LRRC8A: variants seen among roughly 807,000 people sequenced by gnomAD.
The protein encoded by LRRC8A is volume-regulated anion channel subunit LRRC8A.
A neutral mutation model predicts 52.5 loss-of-function variants in LRRC8A; 24 were observed. That is an observed-to-expected ratio of 0.46 (90% CI 0.33 to 0.64). The LOEUF (loss-of-function observed/expected upper bound fraction) is 0.64. LRRC8A is among the 30% of genes least tolerant of loss of function. The probability of loss-of-function intolerance (pLI) is 0.02; values close to 1 mark genes in which losing one functional copy is unlikely to be tolerated. For synonymous variants in LRRC8A, 492 were observed against 494.2 expected, an observed-to-expected ratio of 1.00 and a Z score of 0.06; for missense variants, 677 against 1,094.7, an observed-to-expected ratio of 0.62 and a Z score of 5.38.
chr9:128,906,236 C>T (rs1840242716), intron 2 of LRRC8A, among the ~76,000 whole-genome samples: 1 of 152,116 alleles, frequency 6.6e-6, no homozygotes, highest in Non-Finnish European at 1.5e-5. Context: ...TCAAGCGATC[C>T]TCCCACTTCA....
chr9:128,912,049 C>T (rs763832853), intron 3 of LRRC8A, among the ~76,000 whole-genome samples: 1 of 152,220 alleles, frequency 6.6e-6, no homozygotes, highest in Admixed American at 6.5e-5. Context: ...AGTATTCATT[C>T]GTTCACTCGT....
At position 128,902,798 on chromosome 9, in the gene LRRC8A, G is replaced by C. The variant is rs1252335344; in HGVS notation, c.-8-4359G>C. Among the ~76,000 whole-genome samples, 1 of 152,174 alleles carries C rather than the reference G, an allele frequency of 6.6e-6. No homozygotes were observed. The highest frequency in any genetic ancestry group is 1.5e-5 in the Non-Finnish European group (1 of 68,028). The stretch of plus-strand genomic sequence containing the variant: ...CCCACCTGGTCATTAGAGGGCCCGG[G>C]CCTTCCTGTGGGGCGGGTGCTTGCC... On this transcript the variant is annotated intron_variant, in intron 2 of 3. Coordinates refer to ENST00000372600, the MANE Select transcript of LRRC8A (RefSeq NM_019594.4). This position sits in a 1 kb window ranked among gnomAD's most constrained non-coding sequence, Gnocchi z 4.1.
In LRRC8A at chr9:128,902,216, CGCTGGACCTAGCCAAGG is replaced by C. The variant is rs1217558103; in HGVS notation, c.-8-4936_-8-4920del. Among the ~76,000 whole-genome samples the C allele has an allele frequency of 6.6e-6, 1 of 152,174 alleles. No individual in the cohort carries two copies. The highest frequency in any genetic ancestry group is 1.5e-5 in the Non-Finnish European group (1 of 68,026). ...CACCTTGATCATTTTTTTTTACCCC[CGCTGGACCTAGCCAAGG>C]GCTGAACAGAGTCCGGATGTTCCCA... On this transcript the variant is annotated intron_variant, in intron 2 of 3. Coordinates refer to ENST00000372600, the MANE Select transcript of LRRC8A (RefSeq NM_019594.4). This position sits in a 1 kb window ranked among gnomAD's most constrained non-coding sequence, Gnocchi z 4.1.
At chr9:128,884,711 G>A (rs549102508) in intron 1 of LRRC8A, among the ~76,000 whole-genome samples, 2 of 152,246 alleles carry the variant, frequency 1.3e-5, no homozygotes, top group South Asian at 2.1e-4. Context: ...GCTCTGCCAT[G>A]GGCAGGTGAT....
At position 128,882,198 on chromosome 9, in the gene LRRC8A, G is replaced by C. The variant is rs1230446474; in HGVS notation, c.-168G>C. 1 of 153,104 alleles carries C rather than the reference G, an allele frequency of 6.5e-6. No individual in the cohort carries two copies. Among genetic ancestry groups the C allele is most frequent in the Non-Finnish European group, 1.5e-5 (1 of 68,556 alleles). 9.5% of individuals were successfully genotyped at this position (153,104 alleles called of 1,614,324 possible). A position where few individuals can be genotyped will look rare whatever the true frequency, so the allele number is the denominator to read the frequency against. On this transcript the variant is annotated 5_prime_UTR_variant, in exon 1 of 4. Transcript: ENST00000372600. Reference sequence around the variant, plus strand: ...CAGCGCTGCGGCCGGCGGCGGGACGGAGCGGCCGGGGCCTGGGGCTGCCTG... The same window carrying C: ...CAGCGCTGCGGCCGGCGGCGGGACGCAGCGGCCGGGGCCTGGGGCTGCCTG...
At chr9:128,889,337 G>A (rs1360849579) in intron 2 of LRRC8A, among the ~76,000 whole-genome samples, 5 of 152,128 alleles carry the variant, frequency 3.3e-5, no homozygotes. Context: ...CAGTTGTGAG[G>A]CTGGTGGGCT....
chr9:128,885,537 T>C (rs1260611168), intron 1 of LRRC8A: 2 of 152,246 alleles, frequency 1.3e-5, no homozygotes, highest in Non-Finnish European at 2.9e-5. Context: ...GCAGCAGAGC[T>C]CTGAGCTCTC....
chr9:128,885,470 C>T (rs548781670), intron 1 of LRRC8A: 1 of 152,436 alleles, frequency 6.6e-6, no homozygotes, highest in Admixed American at 6.5e-5. Flanking sequence ...AACTCCTCCT[C>T]CAGAAAGCCT....
intron 2 of LRRC8A, among the ~76,000 whole-genome samples, chr9:128,898,900 G>A (rs186900900): frequency 3.3e-5 from 5 of 152,222 alleles, no homozygotes; most frequent in Admixed American, 1.3e-4. Context: ...GTCACCTTCC[G>A]CCATGTTACC....
At chr9:128,894,725 A>G (rs1192340283) in intron 2 of LRRC8A, among the ~76,000 whole-genome samples, 3 of 150,676 alleles carry the variant, frequency 2.0e-5, no homozygotes, top group African/African-American at 4.9e-5. Flanking sequence ...CCCAGGAGGT[A>G]GAGTTTGCAG....
intron 1 of LRRC8A, among the ~76,000 whole-genome samples, chr9:128,885,678 C>T (rs1041819810): frequency 6.6e-6 from 1 of 152,110 alleles, no homozygotes. Context: ...GAGGCCGAGG[C>T]GGGCAGATCC....
chr9:128,907,854 C>A lies in LRRC8A; in HGVS notation c.690C>A (p.Gly230=). ...EQGIVDRSET[G]VLDKKEGEQA... is the part of the protein sequence containing the mutation. ...GTATCGTGGACCGCTCAGAGACGGG[C>A]GTGCTGGACAAGAAGGAGGGGGAGC... The change falls in exon 3 of 4, where the codon GGC becomes GGA. Residue 230 remains glycine, a synonymous_variant. Coordinates refer to ENST00000372600, the MANE Select transcript of LRRC8A (RefSeq NM_019594.4). This position sits in a 1 kb window ranked among gnomAD's most constrained non-coding sequence, Gnocchi z 9.3. The A allele has an allele frequency of 6.2e-7, 1 of 1,614,058 alleles. No individual in the cohort carries two copies. The highest frequency in any genetic ancestry group is 8.5e-7 in the Non-Finnish European group (1 of 1,180,020).
chr9:128,908,625 G>A lies in LRRC8A; in HGVS notation c.1461G>A (p.Ala487=), dbSNP rs140270410. 1.2e-4 allele frequency: 186 copies of A among 1,612,652 alleles called. 1 individual carries two copies. Among genetic ancestry groups the A allele is most frequent in the African/African-American group, 6.5e-4 (49 of 75,050 alleles). The stretch of plus-strand genomic sequence containing the variant: ...CAGCGGCCAAGATTGAAGCGCCCGC[G>A]CTGGCCTTCCTGCGTGAGAACCTGC... The part of the protein sequence containing the change: ...YHTAAKIEAP[A]LAFLRENLRA... Residue 487 remains alanine, a synonymous_variant, in exon 3 of 4, where the codon GCG becomes GCA. Coordinates refer to ENST00000372600, the MANE Select transcript of LRRC8A (RefSeq NM_019594.4).
chr9:128,909,753 C>A (rs1375913515), intron 3 of LRRC8A, among the ~76,000 whole-genome samples: 1 of 152,184 alleles, frequency 6.6e-6, no homozygotes, highest in Non-Finnish European at 1.5e-5. Context: ...AGCTTGTTCC[C>A]AGTCGGACTT....
intron 1 of LRRC8A, chr9:128,882,861 C>T (rs1057043564): frequency 2.5e-6 from 1 of 398,592 alleles, no homozygotes; most frequent in Non-Finnish European, 4.4e-6. Flanking sequence ...TCAGGTGGGC[C>T]CGAGGGCGAG....
At chr9:128,888,431 C>T (rs1839479367) in intron 2 of LRRC8A, among the ~76,000 whole-genome samples, 1 of 152,146 alleles carries the variant, frequency 6.6e-6, no homozygotes, top group Non-Finnish European at 1.5e-5. Context: ...CTGAGCCCAG[C>T]CCTTCCTGGG....
chr9:128,909,024 C>A lies in LRRC8A; in HGVS notation c.1860C>A (p.Asp620Glu). 6.2e-7 allele frequency: 1 copy of A among 1,614,146 alleles called. No individual in the cohort carries two copies. The highest frequency in any genetic ancestry group is 1.1e-5 in the South Asian group (1 of 91,084). ...GCCTCCACAACCTGCAGGAGATTGA[C>A]CTCAAGGACAACAACCTCAAGACCA... ...IFSLHNLQEI[D>E]LKDNNLKTIE... Residue 620 changes from aspartate (D) to glutamate (E), a missense_variant, in exon 3 of 4, where the codon GAC (aspartate) becomes GAA (glutamate). Physicochemically the swap from Asp to Glu is conservative, Grantham distance 45. Coordinates refer to ENST00000372600, the MANE Select transcript of LRRC8A (RefSeq NM_019594.4).
chr9:128,883,673 G>A (rs1487348582), intron 1 of LRRC8A, among the ~76,000 whole-genome samples: 3 of 152,146 alleles, frequency 2.0e-5, no homozygotes, highest in Non-Finnish European at 2.9e-5. Context: ...GGACCATAGG[G>A]TACAGAGCAG....
chr9:128,894,805 A>G (rs1198829159), intron 2 of LRRC8A, among the ~76,000 whole-genome samples: 1 of 152,114 alleles, frequency 6.6e-6, no homozygotes, highest in African/African-American at 2.4e-5. Context: ...AAAAAAAAAA[A>G]AAAAGATATC....
Sources: gnomAD v4.1 joint callset for allele counts (sites outside exome capture counted in the v4.1 genomes callset) on GRCh38, gnomAD v4.1.1 for gene constraint, Gnocchi (gnomAD v3.1) non-coding constraint, MANE v1.5 for transcripts, NCBI Gene and HGNC (gene_info 2026-07-23, HGNC 2026-07-21) for gene names.